The following NKAIN3 variants were observed in gnomAD, a reference collection of about 807,000 sequenced individuals.
NKAIN3 encodes the protein sodium/potassium transporting ATPase interacting 3, also known as sodium/potassium-transporting ATPase subunit beta-1-interacting protein 3.
A neutral mutation model predicts 30.2 loss-of-function variants in NKAIN3; 25 were observed. The observed-to-expected ratio is 0.83, with a 90% CI of 0.60 to 1.16. NKAIN3 has a LOEUF of 1.16. Among genes scored for constraint, NKAIN3 ranks in the 50% most tolerant of loss-of-function variants. The probability of loss-of-function intolerance (pLI) is 0.00; values close to 1 mark genes in which losing one functional copy is unlikely to be tolerated. For missense variants in NKAIN3, 225 were observed against 254.1 expected, an observed-to-expected ratio of 0.89 and a Z score of 0.78; for synonymous variants, 91 against 89.6, an observed-to-expected ratio of 1.02 and a Z score of -0.09.
intron 3 of NKAIN3, among the ~76,000 whole-genome samples, chr8:62,677,159 A>G (rs148986111): frequency 7.2e-5 from 11 of 152,294 alleles, no homozygotes; most frequent in African/African-American, 2.6e-4. Context: ...AGGACTACTG[A>G]GGTGCGTTCT....
chr8:62,454,123 A>G (rs1805735850), intron 1 of NKAIN3, among the ~76,000 whole-genome samples: 1 of 151,834 alleles, frequency 6.6e-6, no homozygotes, highest in Non-Finnish European at 1.5e-5. Flanking sequence ...CACTTAGCCA[A>G]TAGGTTCCAA....
At chr8:62,942,574 G>T (rs7830227) in intron 5 of NKAIN3, among the ~76,000 whole-genome samples, 2 of 150,266 alleles carry the variant, frequency 1.3e-5, no homozygotes, top group Non-Finnish European at 3.0e-5. Context: ...ACATAGCCAA[G>T]TCAGACTAAG....
intron 1 of NKAIN3, among the ~76,000 whole-genome samples, chr8:62,278,393 T>A (rs1813038630): frequency 6.6e-6 from 1 of 152,034 alleles, no homozygotes; most frequent in Non-Finnish European, 1.5e-5. Flanking sequence ...TTTTTTTTTT[T>A]TATACTTTAA....
At chr8:62,553,126 A>T (rs1266259624) in intron 1 of NKAIN3, among the ~76,000 whole-genome samples, 1 of 152,168 alleles carries the variant, frequency 6.6e-6, no homozygotes, top group East Asian at 1.9e-4. Flanking sequence ...ATGTATCATT[A>T]AAATCATCAC....
intron 3 of NKAIN3, among the ~76,000 whole-genome samples, chr8:62,698,375 C>T (rs1265449550): frequency 1.3e-5 from 2 of 152,186 alleles, no homozygotes; most frequent in Non-Finnish European, 2.9e-5. Flanking sequence ...AACAGAAGTT[C>T]AAGTTCTTCT....
intron 4 of NKAIN3, among the ~76,000 whole-genome samples, chr8:62,911,390 A>G (rs992550656): frequency 1.3e-5 from 2 of 152,170 alleles, no homozygotes; most frequent in African/African-American, 4.8e-5. Flanking sequence ...AAAAACTATC[A>G]AGCAACTATG....
chr8:62,536,355 G>T (rs533352893), intron 1 of NKAIN3, among the ~76,000 whole-genome samples: 21 of 152,254 alleles, frequency 1.4e-4, no homozygotes, highest in African/African-American at 5.1e-4. Context: ...ATATTTTTAA[G>T]TCCTAAACAT....
At chr8:62,555,011 TACACACACAC>T (rs59610407) in intron 1 of NKAIN3, among the ~76,000 whole-genome samples, 6,845 of 144,864 alleles carry the variant, frequency 0.047, 185 homozygotes, top group Middle Eastern at 0.082. Context: ...GCAGAATCTA[TACACACACAC>T]ACACACACAC....
In NKAIN3 at chr8:62,596,496, A is replaced by G. The variant is rs1307831203; in HGVS notation, c.273+6702A>G. 2.0e-5 allele frequency among the ~76,000 whole-genome samples: 3 copies of G among 152,054 alleles called. No homozygotes were observed. In the East Asian group the frequency reaches 5.8e-4, roughly 29 times the overall value. ...GATGTTTGACAGGTGTTCCCTCGGA[A>G]GTTAGGAATTCCCTTTCTCTCCATA... On this transcript the variant is annotated intron_variant, in intron 3 of 6. Transcript: ENST00000623646.
intron 4 of NKAIN3, chr8:62,855,842 C>A: frequency 1.2e-6 from 1 of 807,112 alleles, no homozygotes; most frequent in Non-Finnish European, 2.2e-6. Flanking sequence ...CCAGAAATTT[C>A]TGGTCATCCA....
At chr8:62,886,076 C>G (rs1821137174) in intron 4 of NKAIN3, among the ~76,000 whole-genome samples, 1 of 151,976 alleles carries the variant, frequency 6.6e-6, no homozygotes, top group South Asian at 2.1e-4. Context: ...TTGTCTTCCA[C>G]CCTTTTCTTC....
At chr8:62,531,238 G>C (rs1235812583) in intron 1 of NKAIN3, among the ~76,000 whole-genome samples, 2 of 152,100 alleles carry the variant, frequency 1.3e-5, no homozygotes, top group Non-Finnish European at 2.9e-5. Flanking sequence ...CTCTCATGTC[G>C]TTTTAGTACA....
At chr8:62,269,362 T>A (rs1237504859) in intron 1 of NKAIN3, among the ~76,000 whole-genome samples, 4 of 152,150 alleles carry the variant, frequency 2.6e-5, no homozygotes, top group Non-Finnish European at 5.9e-5. Flanking sequence ...AATTGCCCAG[T>A]TTATGGAATT....
intron 3 of NKAIN3, among the ~76,000 whole-genome samples, chr8:62,685,570 A>C (rs1813774684): frequency 6.6e-6 from 1 of 152,194 alleles, no homozygotes. Flanking sequence ...GTTCAGGAAA[A>C]TTAATTCTTC....
intron 4 of NKAIN3, among the ~76,000 whole-genome samples, chr8:62,859,759 G>A (rs1377538703): frequency 6.6e-6 from 1 of 151,906 alleles, no homozygotes; most frequent in Non-Finnish European, 1.5e-5. Context: ...GCTATTCGTG[G>A]GTCTCACTCT....
chr8:62,848,011 G>A (rs539305466), intron 4 of NKAIN3, among the ~76,000 whole-genome samples: 7 of 152,188 alleles, frequency 4.6e-5, no homozygotes, highest in Admixed American at 2.0e-4. Context: ...TTATTTCTGG[G>A]TTCTCTATTG....
chr8:62,965,798 T>C lies in NKAIN3; in HGVS notation c.*391T>C. The C allele has an allele frequency of 1.0e-6, 1 of 985,404 alleles. No individual in the cohort carries two copies. Among genetic ancestry groups the C allele is most frequent in the Non-Finnish European group, 1.2e-6 (1 of 829,902 alleles). The allele number at this position is 985,404 out of a possible 1,614,324, so 61.0% of individuals were successfully genotyped here. On this transcript the variant is annotated 3_prime_UTR_variant, in exon 7 of 7. Coordinates refer to ENST00000623646, the MANE Select transcript of NKAIN3 (RefSeq NM_001304533.3). Reference sequence around the variant, plus strand: ...GCACTGCTGACTGTTGAAGTTATTCTAGGCCTGATGAATTTGTTTTAGCAG... The same window carrying C: ...GCACTGCTGACTGTTGAAGTTATTCCAGGCCTGATGAATTTGTTTTAGCAG...
chr8:62,355,190 T>G (rs118068046), intron 1 of NKAIN3, among the ~76,000 whole-genome samples: 4,789 of 152,276 alleles, frequency 0.031, 94 homozygotes, highest in Middle Eastern at 0.051. Context: ...AGCTGAGGGT[T>G]CTTTTCACAT....
rs117943512 is a variant in NKAIN3 at position 62,504,055 on chromosome 8, G to A, written c.55-75484G>A. The stretch of plus-strand genomic sequence containing the variant: ...TTCACAATTTATATTCCTCTGCCAC[G>A]GCGCCAGCCGGTCCCTCCATCCGGG... On this transcript the variant is annotated intron_variant, in intron 1 of 6. Transcript: ENST00000623646. Among the ~76,000 whole-genome samples, 226 of 152,272 alleles carry A rather than the reference G, an allele frequency of 1.5e-3. 1 individual carries two copies. In the East Asian group the frequency reaches 0.039, roughly 26 times the overall value.
Sources: gnomAD v4.1 joint callset for allele counts (sites outside exome capture counted in the v4.1 genomes callset) on GRCh38, gnomAD v4.1.1 for gene constraint, MANE v1.5 for transcripts, NCBI Gene and HGNC (gene_info 2026-07-23, HGNC 2026-07-21) for gene names.